Variants in GNAS observed in about 807,000 individuals in gnomAD.
GNAS encodes protein ALEX.
GNAS carries 8 observed loss-of-function variants against 54.5 expected under a neutral mutation model. The ratio of observed to expected loss-of-function variants is 0.15; its 90% confidence interval spans 0.09 to 0.26. The LOEUF (loss-of-function observed/expected upper bound fraction) is 0.26. GNAS is among the 10% of genes least tolerant of loss of function. GNAS has a pLI of 1.00. For missense variants in GNAS, 170 were observed against 529.8 expected (o/e 0.32, Z 6.67); for synonymous variants, 204 against 191.4 (o/e 1.07, Z -0.54).
At chr20:58,896,544 C>G (rs1184684396) in intron 2 of GNAS, among the ~76,000 whole-genome samples, 2 of 151,556 alleles carry the variant, frequency 1.3e-5, no homozygotes, top group East Asian at 1.9e-4. Flanking sequence ...AGGGAACATT[C>G]AATAAATCGG....
At chr20:58,880,358 G>A (rs139352640) in intron 1 of GNAS, among the ~76,000 whole-genome samples, 2 of 152,274 alleles carry the variant, frequency 1.3e-5, no homozygotes, top group African/African-American at 4.8e-5. Context: ...CCTTCAAAGC[G>A]CAGCCTTGAT....
intron 3 of GNAS, chr20:58,900,077 G>A: frequency 1.7e-6 from 1 of 589,264 alleles, no homozygotes; most frequent in South Asian, 2.0e-5. Context: ...TCTGAGGGGG[G>A]AGGGGGGATG....
intron 3 of GNAS, 144 bp downstream of exon 3, chr20:58,899,129 A>G (rs1418038380): frequency 1.3e-6 from 1 of 758,616 alleles, no homozygotes; most frequent in African/African-American, 1.7e-5. Flanking sequence ...TTTGTGAATA[A>G]CACACAATTT....
At position 58,853,391 on chromosome 20, in the gene GNAS, G is replaced by A. The variant is rs2086263218; in HGVS notation, c.43+12505G>A. ...CAGGGGCAGCTGCCCCCGGTGCTGG[G>A]CCTAGCCCAGCCGAAGAGATGGAGA... On this transcript the variant is annotated intron_variant, in intron 1 of 12. Transcript: ENST00000306090. This position sits in a 1 kb window ranked among gnomAD's most constrained non-coding sequence, Gnocchi z 4.4. 1.3e-6 allele frequency: 2 copies of A among 1,564,454 alleles called. No homozygotes were observed. The highest frequency in any genetic ancestry group is 1.4e-5 in the African/African-American group (1 of 73,372).
chr20:58,899,356 C>T (rs534960611), intron 3 of GNAS: 2 of 518,494 alleles, frequency 3.9e-6, no homozygotes, highest in African/African-American at 3.9e-5. Flanking sequence ...ATTCCATCTA[C>T]CCACTGGTTG....
In GNAS at chr20:58,854,617, C is replaced by A. The variant is rs1381864620; in HGVS notation, c.43+13731C>A. On this transcript the variant is annotated intron_variant, in intron 1 of 12. Coordinates refer to the GNAS transcript ENST00000306090. Reference sequence around the variant, plus strand: ...TCCGGGGCGGCCCCTGACGCCCCAGCCGATCCCGACTCCGGGGCGGCCCCT... The same window carrying A: ...TCCGGGGCGGCCCCTGACGCCCCAGACGATCCCGACTCCGGGGCGGCCCCT... 2.6e-6 allele frequency: 4 copies of A among 1,538,712 alleles called. No homozygotes were observed. The African/African-American group carries it at 4.1e-5, about 16-fold the overall frequency.
chr20:58,905,938 T>C (rs1326868312), intron 6 of GNAS, among the ~76,000 whole-genome samples: 4 of 152,206 alleles, frequency 2.6e-5, no homozygotes, highest in Non-Finnish European at 5.9e-5. Flanking sequence ...CTATTTCTGC[T>C]CTCAGGTAAG....
At chr20:58,893,931 A>G (rs1044843796) in intron 1 of GNAS, among the ~76,000 whole-genome samples, 1 of 152,238 alleles carries the variant, frequency 6.6e-6, no homozygotes, top group African/African-American at 2.4e-5. Context: ...GGGCTAATCT[A>G]AGTGTCCTAG....
chr20:58,840,887 G>T lies in GNAS; in HGVS notation c.43+1G>T. The T allele has an allele frequency of 6.2e-7, 1 of 1,612,544 alleles. No individual in the cohort carries two copies. Among genetic ancestry groups the T allele is most frequent in the East Asian group, 2.2e-5 (1 of 44,860 alleles). On this transcript the variant is annotated splice_donor_variant, in intron 1 of 12. Transcript: ENST00000306090. LOFTEE classifies it high-confidence loss of function. The surrounding 1 kb of genome is among the most constrained non-coding windows in gnomAD (Gnocchi z 6.0). ...ATTCTCCTTGTTTTCATGGATTCAG[G>T]TTAGTTGCCCACCGCTAAACTGGGG...
rs894054879 is a variant in GNAS, at chr20:58,911,145, G to T, written c.*316G>T. On this transcript the variant is annotated 3_prime_UTR_variant, in exon 13 of 13. Coordinates refer to ENST00000371085, the MANE Select transcript of GNAS (RefSeq NM_000516.7). ...AAACAAATGAAATAAATATTGTGTT[G>T]TGCAGCATTAAAAAAAATCAAAATA... is the stretch of plus-strand genomic sequence containing the variant. 1 of 513,676 alleles carries T rather than the reference G, an allele frequency of 1.9e-6. No homozygotes were observed. The highest frequency in any genetic ancestry group is 1.9e-5 in the African/African-American group (1 of 51,864). 31.8% of individuals were successfully genotyped at this position (513,676 alleles called of 1,614,324 possible). A position where few individuals can be genotyped will look rare whatever the true frequency, so the allele number is the denominator to read the frequency against.
chr20:58,855,946 C>T (rs1283847451), intron 1 of GNAS: 2 of 367,042 alleles, frequency 5.4e-6, no homozygotes, highest in East Asian at 9.1e-5. Flanking sequence ...GGGCAAAAAA[C>T]TTTCGCTGTT....
At chr20:58,842,129 G>A in intron 1 of GNAS, 2 of 399,284 alleles carry the variant, frequency 5.0e-6, no homozygotes. Context: ...GTAACCTGGA[G>A]GGGAATCTGC....
chr20:58,853,495 A>G lies in GNAS; in HGVS notation c.43+12609A>G. ...GGACCCCCAGAGGTCTCCAGACCCA[A>G]CTTTCAGGTCCTCAACCCGGCATTC... On this transcript the variant is annotated intron_variant, in intron 1 of 12. Coordinates refer to the GNAS transcript ENST00000306090. This position sits in a 1 kb window ranked among gnomAD's most constrained non-coding sequence, Gnocchi z 4.4. 1.9e-6 allele frequency: 3 copies of G among 1,613,160 alleles called. No individual in the cohort carries two copies. The highest frequency in any genetic ancestry group is 1.3e-5 in the African/African-American group (1 of 75,046).
chr20:58,844,230 G>A (rs934746093), intron 1 of GNAS, among the ~76,000 whole-genome samples: 1 of 152,152 alleles, frequency 6.6e-6, no homozygotes, highest in African/African-American at 2.4e-5. Flanking sequence ...CTGCTTACCT[G>A]GAAGGTGACC....
chr20:58,888,483 T>C (rs528977028), upstream of GNAS: 8 of 152,310 alleles, frequency 5.3e-5, no homozygotes, highest in African/African-American at 1.9e-4. Flanking sequence ...GGCGGGACAC[T>C]TGAGAGTTTT....
chr20:58,892,199 C>T (rs1170341920), intron 1 of GNAS: 2 of 977,458 alleles, frequency 2.0e-6, no homozygotes, highest in Non-Finnish European at 2.4e-6. Context: ...TACACGACGC[C>T]AGGGGTTTGG....
chr20:58,889,276 C>T (rs867842774), upstream of GNAS: 1 of 1,024,008 alleles, frequency 9.8e-7, no homozygotes, highest in Non-Finnish European at 1.2e-6. Context: ...GCGGCTGGAG[C>T]GAGCCCCTGT....
chr20:58,897,062 A>C (rs1411234940), intron 2 of GNAS, among the ~76,000 whole-genome samples: 1 of 152,192 alleles, frequency 6.6e-6, no homozygotes, highest in African/African-American at 2.4e-5. Context: ...TAGTCCTGTT[A>C]GTTGAGGATG....
chr20:58,904,543 G>A (rs932768944), intron 5 of GNAS, among the ~76,000 whole-genome samples: 1 of 152,190 alleles, frequency 6.6e-6, no homozygotes, highest in African/African-American at 2.4e-5. Flanking sequence ...TATAAGCGGG[G>A]AACGGGAAAC....
Sources: allele counts gnomAD v4.1 joint callset (sites outside exome capture counted in the v4.1 genomes callset), GRCh38; gene constraint gnomAD v4.1.1; non-coding constraint Gnocchi (gnomAD v3.1); transcripts MANE v1.5; gene names NCBI Gene and HGNC (gene_info 2026-07-23, HGNC 2026-07-21).